Variants in SEMA5A observed in about 807,000 individuals in gnomAD.
The protein encoded by SEMA5A is semaphorin-5A.
Under a neutral mutation model 135.5 loss-of-function variants are expected in SEMA5A, and 55 were observed. That is an observed-to-expected ratio of 0.41 (90% confidence interval 0.33 to 0.51). The LOEUF (loss-of-function observed/expected upper bound fraction) is 0.51, where lower values mean the gene tolerates loss of function less well. Ranked by LOEUF, SEMA5A falls within the 20% of genes least tolerant of loss-of-function variation. The pLI, the probability that SEMA5A is intolerant of heterozygous loss-of-function variation, is 0.37. For synonymous variants in SEMA5A, 580 were observed against 546.5 expected (o/e 1.06, Z -0.85); for missense variants, 1,290 against 1,419.9 (o/e 0.91, Z 1.47).
At chr5:9,392,704 T>C (rs191377265) in intron 2 of SEMA5A, among the ~76,000 whole-genome samples, 1 of 152,316 alleles carries the variant, frequency 6.6e-6, no homozygotes, top group Admixed American at 6.5e-5. Flanking sequence ...TTTTGTTCTC[T>C]TGCTATCCCC....
chr5:9,211,588 G>A (rs1029682810), intron 8 of SEMA5A, among the ~76,000 whole-genome samples: 3 of 152,096 alleles, frequency 2.0e-5, no homozygotes, highest in Non-Finnish European at 4.4e-5. Flanking sequence ...GCTGTGCTCA[G>A]GCTGTTCAGA....
chr5:9,265,636 G>A (rs1372275110), intron 5 of SEMA5A: 2 of 435,452 alleles, frequency 4.6e-6, no homozygotes, highest in African/African-American at 4.0e-5. Context: ...TAGGGCAAGG[G>A]ATCCCTCCCT....
At chr5:9,345,904 T>C (rs1279313821) in intron 3 of SEMA5A, among the ~76,000 whole-genome samples, 2 of 152,210 alleles carry the variant, frequency 1.3e-5, no homozygotes, top group Non-Finnish European at 2.9e-5. Context: ...TATATCTGTA[T>C]ACATATAGAC....
intron 1 of SEMA5A, among the ~76,000 whole-genome samples, chr5:9,445,233 T>A (rs1382971508): frequency 6.6e-6 from 1 of 152,158 alleles, no homozygotes; most frequent in African/African-American, 2.4e-5. Flanking sequence ...CTCAAGGAAT[T>A]CAGCCTTTGG....
intron 16 of SEMA5A, among the ~76,000 whole-genome samples, chr5:9,095,387 A>C (rs935435013): frequency 5.3e-5 from 8 of 152,224 alleles, no homozygotes; most frequent in Non-Finnish European, 1.2e-4. Context: ...CCCAGAACTT[A>C]AAGTATCATA....
At position 9,138,012 on chromosome 5, in the gene SEMA5A, T is replaced by C. The variant is rs1267708476; in HGVS notation, c.1482-1391A>G. Among the ~76,000 whole-genome samples the C allele has an allele frequency of 2.0e-5, 3 of 152,180 alleles. No homozygotes were observed. The East Asian group carries it at 5.8e-4, about 29-fold the overall frequency. On this transcript the variant is annotated intron_variant, in intron 12 of 22. Coordinates refer to ENST00000382496, the MANE Select transcript of SEMA5A (RefSeq NM_003966.3). Reference sequence around the variant, plus strand: ...ACAGCTAGGGAAGATATGTTTACAGTTGATAAATCTACTGATAGGTAGTAA... The same window carrying C: ...ACAGCTAGGGAAGATATGTTTACAGCTGATAAATCTACTGATAGGTAGTAA...
At chr5:9,387,991 A>C (rs2126516647) in intron 2 of SEMA5A, among the ~76,000 whole-genome samples, 1 of 152,294 alleles carries the variant, frequency 6.6e-6, no homozygotes, top group South Asian at 2.1e-4. Context: ...GTTTGTCATA[A>C]ATGAATTAGG....
At chr5:9,262,690 G>C (rs1488059567) in intron 5 of SEMA5A, among the ~76,000 whole-genome samples, 1 of 84,520 alleles carries the variant, frequency 1.2e-5, no homozygotes. Context: ...GGTGGGAATT[G>C]AACAATGAGA....
chr5:9,071,946 T>C (rs1385376276), intron 16 of SEMA5A, among the ~76,000 whole-genome samples: 2 of 152,214 alleles, frequency 1.3e-5, no homozygotes, highest in African/African-American at 4.8e-5. Flanking sequence ...AGTAGAACCA[T>C]GCTCCCAGGA....
At chr5:9,457,029 T>C (rs1758864124) in intron 1 of SEMA5A, among the ~76,000 whole-genome samples, 1 of 152,190 alleles carries the variant, frequency 6.6e-6, no homozygotes, top group African/African-American at 2.4e-5. Flanking sequence ...CATACTGTTA[T>C]ACCCCCTACA....
intron 1 of SEMA5A, among the ~76,000 whole-genome samples, chr5:9,524,277 G>T (rs1278676905): frequency 6.6e-6 from 1 of 152,162 alleles, no homozygotes; most frequent in Non-Finnish European, 1.5e-5. Flanking sequence ...TTTTCTTCAT[G>T]AATTACCCAG....
intron 3 of SEMA5A, among the ~76,000 whole-genome samples, chr5:9,353,844 C>G (rs912973708): frequency 2.6e-5 from 4 of 152,040 alleles, no homozygotes; most frequent in Non-Finnish European, 4.4e-5. Flanking sequence ...ATTCCTAGCA[C>G]AGCCTATTAG....
At chr5:9,081,356 A>T (rs1738373662) in intron 16 of SEMA5A, among the ~76,000 whole-genome samples, 1 of 152,204 alleles carries the variant, frequency 6.6e-6, no homozygotes, top group African/African-American at 2.4e-5. Flanking sequence ...AGTATTAAAC[A>T]ACTGAATTTG....
At chr5:9,434,675 G>T (rs1183140817) in intron 2 of SEMA5A, among the ~76,000 whole-genome samples, 1 of 152,062 alleles carries the variant, frequency 6.6e-6, no homozygotes, top group African/African-American at 2.4e-5. Flanking sequence ...TGCTTTCTCA[G>T]TTAATAAGGA....
chr5:9,119,232 A>C, intron 14 of SEMA5A, 91 bp from the exon 15 acceptor site: 1 of 1,476,030 alleles, frequency 6.8e-7, no homozygotes, highest in Non-Finnish European at 9.3e-7. Flanking sequence ...TGTGTTCCTC[A>C]GGAGGATCAC....
chr5:9,076,868 TTGTGTGTGTGTGTG>T (rs70943938), intron 16 of SEMA5A, among the ~76,000 whole-genome samples: 2,569 of 144,082 alleles, frequency 0.018, 29 homozygotes, highest in Non-Finnish European at 0.025. Context: ...ATTACGATCT[TTGTGTGTGTGTGTG>T]TGTGTGTGTG....
At chr5:9,112,205 C>T (rs1473993366) in intron 15 of SEMA5A, among the ~76,000 whole-genome samples, 1 of 152,160 alleles carries the variant, frequency 6.6e-6, no homozygotes, top group Non-Finnish European at 1.5e-5. Context: ...CAATTAATGA[C>T]CTAGCACTGT....
chr5:9,225,405 A>AT (rs1378784514), intron 7 of SEMA5A, among the ~76,000 whole-genome samples: 1 of 148,286 alleles, frequency 6.7e-6, no homozygotes, highest in East Asian at 2.0e-4. Flanking sequence ...AAAAAAAAAA[A>AT]AAAAAAAAAA....
At chr5:9,506,788 C>T (rs1346305124) in intron 1 of SEMA5A, among the ~76,000 whole-genome samples, 2 of 152,158 alleles carry the variant, frequency 1.3e-5, no homozygotes, top group East Asian at 1.9e-4. Flanking sequence ...CAATCAACAC[C>T]AATTCCCATG....
Sources: gnomAD v4.1 joint callset for allele counts (sites outside exome capture counted in the v4.1 genomes callset) on GRCh38, gnomAD v4.1.1 for gene constraint, MANE v1.5 for transcripts, NCBI Gene and HGNC (gene_info 2026-07-23, HGNC 2026-07-21) for gene names.